Variants in KDM4C observed in about 807,000 individuals in gnomAD.
The protein encoded by KDM4C is lysine demethylase 4C.
KDM4C carries 81 observed loss-of-function variants against 129.3 expected under a neutral mutation model. The ratio of observed to expected loss-of-function variants is 0.63; its 90% CI spans 0.52 to 0.75. The LOEUF (loss-of-function observed/expected upper bound fraction) is 0.75. Among genes scored for constraint, KDM4C ranks in the 30% least tolerant of loss-of-function variants. The probability of loss-of-function intolerance (pLI) is 0.00; values close to 1 mark genes in which losing one functional copy is unlikely to be tolerated. For synonymous variants in KDM4C, 573 were observed against 456.1 expected (o/e 1.26, Z -3.26); for missense variants, 1,457 against 1,304.0 (o/e 1.12, Z -1.81).
At chr9:6,975,288 G>A (rs571705993) in intron 8 of KDM4C, among the ~76,000 whole-genome samples, 1 of 152,192 alleles carries the variant, frequency 6.6e-6, no homozygotes, top group Non-Finnish European at 1.5e-5. Context: ...ATCATGCATA[G>A]AAAGCAAATA....
intron 4 of KDM4C, among the ~76,000 whole-genome samples, chr9:6,826,861 C>T (rs1833968269): frequency 6.9e-6 from 1 of 144,940 alleles, no homozygotes; most frequent in Non-Finnish European, 1.5e-5. Context: ...AGTGAAACTC[C>T]ATCTCAAAAA....
intron 1 of KDM4C, among the ~76,000 whole-genome samples, chr9:6,778,913 G>C (rs1407058067): frequency 6.6e-6 from 1 of 151,340 alleles, no homozygotes; most frequent in Non-Finnish European, 1.5e-5. Flanking sequence ...GTAGAGACAG[G>C]ATTTCACCAT....
intron 4 of KDM4C, among the ~76,000 whole-genome samples, chr9:6,828,109 G>C (rs1834179841): frequency 6.6e-6 from 1 of 152,166 alleles, no homozygotes; most frequent in Admixed American, 6.5e-5. Flanking sequence ...GGAAGGTTAG[G>C]TGGGATCACT....
At chr9:7,109,118 C>T (rs1587686789) in intron 18 of KDM4C, among the ~76,000 whole-genome samples, 2 of 152,254 alleles carry the variant, frequency 1.3e-5, no homozygotes, top group South Asian at 4.2e-4. Context: ...ACAAAACTTC[C>T]CCCTGGGTCC....
chr9:6,807,419 T>C (rs1473778065), intron 3 of KDM4C, among the ~76,000 whole-genome samples: 26 of 111,442 alleles, frequency 2.3e-4, no homozygotes, highest in South Asian at 3.2e-4. Flanking sequence ...CCGGCCGCCA[T>C]CCCATCTAGG....
intron 21 of KDM4C, among the ~76,000 whole-genome samples, chr9:7,171,674 A>G (rs1381668847): frequency 6.6e-6 from 1 of 152,204 alleles, no homozygotes; most frequent in Non-Finnish European, 1.5e-5. Context: ...CATTGCTTTC[A>G]TACTCTGATC....
At chr9:7,005,724 A>G (rs1275598863) in intron 12 of KDM4C, among the ~76,000 whole-genome samples, 1 of 152,212 alleles carries the variant, frequency 6.6e-6, no homozygotes, top group African/African-American at 2.4e-5. Context: ...TAGGTTGCGC[A>G]TACCAGCAAA....
At chr9:6,985,134 C>A (rs534126602) in intron 10 of KDM4C, among the ~76,000 whole-genome samples, 1 of 152,226 alleles carries the variant, frequency 6.6e-6, no homozygotes, top group South Asian at 2.1e-4. Context: ...GCCTGGATGA[C>A]TGCAGCAATT....
upstream of KDM4C, chr9:6,757,706 C>G (rs963052084): frequency 2.9e-5 from 29 of 985,566 alleles, no homozygotes; most frequent in Non-Finnish European, 3.5e-5. Context: ...TCCAGCCCTG[C>G]GGGACCCCAG....
At chr9:6,859,400 G>A (rs570894787) in intron 5 of KDM4C, among the ~76,000 whole-genome samples, 1 of 147,736 alleles carries the variant, frequency 6.8e-6, no homozygotes, top group South Asian at 2.1e-4. Flanking sequence ...ACTTGAACCA[G>A]GAAGGTGGAG....
upstream of KDM4C, chr9:6,757,725 TC>T (rs1818478004): frequency 1.0e-6 from 1 of 985,468 alleles, no homozygotes; most frequent in Non-Finnish European, 1.2e-6. Context: ...AGCCAGCGCT[TC>T]CGGGCAAGGT....
intron 1 of KDM4C, among the ~76,000 whole-genome samples, chr9:6,786,230 T>A (rs1358860589): frequency 6.6e-6 from 1 of 152,238 alleles, no homozygotes; most frequent in Non-Finnish European, 1.5e-5. Context: ...GTTTCTTTTT[T>A]ATTACCAAAT....
In KDM4C at chr9:6,854,256, C is replaced by T. The variant is rs554763698; in HGVS notation, c.629+4556C>T. ...TGAATAAGAAACTTTCGACTGGGTG[C>T]GGTGGCTCACGCCTGTAATCCCAGC... On this transcript the variant is annotated intron_variant, in intron 5 of 21. Transcript: ENST00000381309. Among the ~76,000 whole-genome samples, 11 of 152,036 alleles carry T rather than the reference C, an allele frequency of 7.2e-5. No individual in the cohort carries two copies. In the East Asian group the frequency reaches 1.9e-3, roughly 27 times the overall value.
intron 2 of KDM4C, 77 bp from the exon 3 acceptor site, chr9:6,805,522 G>A: frequency 1.1e-6 from 1 of 879,288 alleles, no homozygotes; most frequent in Non-Finnish European, 1.6e-6. Flanking sequence ...TTCAGTTGTA[G>A]TTTATCAGAA....
chr9:6,788,789 G>A (rs952502277), intron 1 of KDM4C, among the ~76,000 whole-genome samples: 4 of 152,168 alleles, frequency 2.6e-5, no homozygotes, highest in Non-Finnish European at 2.9e-5. Flanking sequence ...AACGCAGAGG[G>A]GGAGTTGGGA....
At chr9:6,887,197 A>G (rs1259771087) in intron 6 of KDM4C, among the ~76,000 whole-genome samples, 1 of 152,200 alleles carries the variant, frequency 6.6e-6, no homozygotes, top group Non-Finnish European at 1.5e-5. Context: ...GCAGTACATC[A>G]GACATGTTCA....
intron 19 of KDM4C, among the ~76,000 whole-genome samples, chr9:7,129,529 A>G (rs1000291265): frequency 1.3e-5 from 2 of 152,152 alleles, no homozygotes; most frequent in African/African-American, 2.4e-5. Flanking sequence ...AGAATTAGTC[A>G]TCCCTTCAAG....
intron 8 of KDM4C, among the ~76,000 whole-genome samples, 169 bp from the exon 9 acceptor site, chr9:6,980,756 C>T (rs1375849017): frequency 6.6e-6 from 1 of 152,170 alleles, no homozygotes; most frequent in Admixed American, 6.5e-5. Flanking sequence ...ATTCTCATCT[C>T]TATTCAGAAG....
chr9:7,042,575 A>C (rs1395033828), intron 15 of KDM4C, among the ~76,000 whole-genome samples: 1 of 152,014 alleles, frequency 6.6e-6, no homozygotes, highest in Non-Finnish European at 1.5e-5. Flanking sequence ...GGAGTTCTTG[A>C]TTATTTATGG....
Sources: gnomAD v4.1 joint callset for allele counts (sites outside exome capture counted in the v4.1 genomes callset) on GRCh38, gnomAD v4.1.1 for gene constraint, MANE v1.5 for transcripts, NCBI Gene and HGNC (gene_info 2026-07-23, HGNC 2026-07-21) for gene names.